Variants in HEPACAM2 observed in about 807,000 individuals in gnomAD.
HEPACAM2 encodes the protein HEPACAM family member 2, also known as mitotic kinetics regulator.
HEPACAM2 carries 49 observed loss-of-function variants against 49.6 expected under a neutral mutation model. The observed-to-expected ratio is 0.99, with a 90% CI of 0.78 to 1.25. The LOEUF (loss-of-function observed/expected upper bound fraction) is 1.25, where lower values mean the gene tolerates loss of function less well. HEPACAM2 is among the 50% of genes most tolerant of loss of function. The pLI, the probability that HEPACAM2 is intolerant of heterozygous loss-of-function variation, is 0.00. For missense variants in HEPACAM2, 525 were observed against 557.2 expected, an observed-to-expected ratio of 0.94 and a Z score of 0.58; for synonymous variants, 197 against 202.9, an observed-to-expected ratio of 0.97 and a Z score of 0.25.
At chr7:93,189,851 G>T (rs1287789273) in intron 9 of HEPACAM2, among the ~76,000 whole-genome samples, 1 of 151,980 alleles carries the variant, frequency 6.6e-6, no homozygotes, top group Admixed American at 6.6e-5. Flanking sequence ...GTTGGGAATA[G>T]ATGGGAGAGA....
At chr7:93,214,436 C>A (rs994485974) in intron 3 of HEPACAM2, among the ~76,000 whole-genome samples, 4 of 152,080 alleles carry the variant, frequency 2.6e-5, no homozygotes, top group Non-Finnish European at 5.9e-5. Context: ...TCTAAATGTT[C>A]TTCTTTCTAT....
At chr7:93,202,072 T>C (rs760808348) in intron 4 of HEPACAM2, among the ~76,000 whole-genome samples, 15 of 97,064 alleles carry the variant, frequency 1.5e-4, no homozygotes, top group Non-Finnish European at 3.4e-4. Context: ...GAAAAACTGG[T>C]AAGAAATAAA....
At position 93,195,891 on chromosome 7, in the gene HEPACAM2, A is replaced by T. The variant is rs1413896890; in HGVS notation, c.1212T>A (p.Asp404Glu). Residue 404 changes from aspartate (D) to glutamate (E), a missense_variant, in exon 8 of 10, where the codon GAT (aspartate) becomes GAA (glutamate). Physicochemically the swap from Asp to Glu is conservative, Grantham distance 45 (BLOSUM62 2). Coordinates refer to ENST00000394468, the MANE Select transcript of HEPACAM2 (RefSeq NM_001039372.4). ...CATATATTCCGAAGTCATCCAGAGC[A>T]TCTTCATGGCCTGAAATGTAAAACA... is the stretch of plus-strand genomic sequence containing the variant. ...RKAQTFSGHEDALDDFGIYEF... is the reference protein window; with the variant it reads ...RKAQTFSGHEEALDDFGIYEF... 6.2e-7 allele frequency: 1 copy of T among 1,612,132 alleles called. No homozygotes were observed. Among genetic ancestry groups the T allele is most frequent in the Non-Finnish European group, 8.5e-7 (1 of 1,178,678 alleles).
rs187521149 is a variant in HEPACAM2, at chr7:93,224,590, G to T, written c.79+1778C>A. On this transcript the variant is annotated intron_variant, in intron 1 of 9. Coordinates refer to ENST00000394468, the MANE Select transcript of HEPACAM2 (RefSeq NM_001039372.4). ...TGTATGACAATAGCACTATAAAAAA[G>T]TATCCAGTGTTAAGGTACACTTGAA... 4.6e-5 allele frequency among the ~76,000 whole-genome samples: 7 copies of T among 152,192 alleles called. No individual in the cohort carries two copies. In the South Asian group the frequency reaches 8.3e-4, roughly 18 times the overall value.
At chr7:93,207,425 G>A (rs1289463150) in intron 4 of HEPACAM2, among the ~76,000 whole-genome samples, 1 of 151,868 alleles carries the variant, frequency 6.6e-6, no homozygotes, top group Non-Finnish European at 1.5e-5. Context: ...AGTCATAGAA[G>A]AGGAAGAAGA....
chr7:93,206,140 A>G (rs1310694975), intron 4 of HEPACAM2, among the ~76,000 whole-genome samples: 1 of 152,078 alleles, frequency 6.6e-6, no homozygotes, highest in Non-Finnish European at 1.5e-5. Context: ...ACTTCTACCC[A>G]TTACAGCCAT....
chr7:93,213,332 C>T (rs1011988094), intron 3 of HEPACAM2, among the ~76,000 whole-genome samples: 1 of 151,956 alleles, frequency 6.6e-6, no homozygotes, highest in Non-Finnish European at 1.5e-5. Context: ...ACATCACAAC[C>T]TCATAAGTAT....
chr7:93,194,920 T>C (rs1412092317), intron 8 of HEPACAM2, among the ~76,000 whole-genome samples: 1 of 140,924 alleles, frequency 7.1e-6, no homozygotes, highest in Non-Finnish European at 1.5e-5. Context: ...CTTTAAAAGA[T>C]CTTTTTTTTT....
At chr7:93,203,777 C>T (rs1020469581) in intron 4 of HEPACAM2, among the ~76,000 whole-genome samples, 2 of 152,134 alleles carry the variant, frequency 1.3e-5, no homozygotes, top group Admixed American at 1.3e-4. Context: ...GTATCCATTT[C>T]TACATCAAAA....
intron 4 of HEPACAM2, among the ~76,000 whole-genome samples, chr7:93,203,987 T>C (rs1278109443): frequency 6.6e-6 from 1 of 152,146 alleles, no homozygotes; most frequent in Non-Finnish European, 1.5e-5. Context: ...GTCAGATTTG[T>C]AGTTCTATCT....
chr7:93,196,572 T>A (rs2116637059), intron 7 of HEPACAM2, among the ~76,000 whole-genome samples: 1 of 152,230 alleles, frequency 6.6e-6, no homozygotes, highest in Non-Finnish European at 1.5e-5. Flanking sequence ...CTATATCATT[T>A]TATTTAATTC....
chr7:93,213,452 C>T (rs1281300296), intron 3 of HEPACAM2, among the ~76,000 whole-genome samples: 6 of 151,900 alleles, frequency 3.9e-5, no homozygotes, highest in Admixed American at 3.9e-4. Flanking sequence ...AAACAGAATA[C>T]TTGATTTTGC....
intron 4 of HEPACAM2, among the ~76,000 whole-genome samples, chr7:93,200,380 A>C (rs1239034035): frequency 1.3e-5 from 2 of 152,148 alleles, no homozygotes; most frequent in Admixed American, 1.3e-4. Context: ...CAAAACAACA[A>C]ATAATGAAAT....
intron 1 of HEPACAM2, among the ~76,000 whole-genome samples, chr7:93,224,247 C>T (rs938780868): frequency 2.8e-4 from 42 of 151,748 alleles, no homozygotes; most frequent in African/African-American, 9.4e-4. Flanking sequence ...GGCAACACAG[C>T]GAGACCTCTG....
chr7:93,190,802 C>G (rs1296259609), intron 9 of HEPACAM2, among the ~76,000 whole-genome samples: 1 of 151,190 alleles, frequency 6.6e-6, no homozygotes, highest in Admixed American at 6.6e-5. Context: ...TTTTGACACG[C>G]AAAACAACCC....
upstream of HEPACAM2, among the ~76,000 whole-genome samples, chr7:93,229,801 G>C (rs899242873): frequency 2.6e-5 from 4 of 152,150 alleles, no homozygotes; most frequent in African/African-American, 9.7e-5. Flanking sequence ...AATTGGAAAG[G>C]AAATAGCAGC....
chr7:93,225,409 T>C (rs1026243234), intron 1 of HEPACAM2, among the ~76,000 whole-genome samples: 2 of 152,098 alleles, frequency 1.3e-5, no homozygotes, highest in African/African-American at 2.4e-5. Context: ...ATGTGTGAGA[T>C]AGGTACAACA....
intron 3 of HEPACAM2, among the ~76,000 whole-genome samples, chr7:93,213,175 C>T (rs1250183001): frequency 6.6e-6 from 1 of 151,842 alleles, no homozygotes; most frequent in Non-Finnish European, 1.5e-5. Context: ...TCCACTGCAG[C>T]ATTGCCATAT....
At chr7:93,193,930 T>G (rs999603784) in intron 8 of HEPACAM2, among the ~76,000 whole-genome samples, 1 of 152,098 alleles carries the variant, frequency 6.6e-6, no homozygotes, top group Non-Finnish European at 1.5e-5. Flanking sequence ...ATCCTCCTCC[T>G]CATGTCCCTG....
Sources: allele counts gnomAD v4.1 joint callset (sites outside exome capture counted in the v4.1 genomes callset), GRCh38; gene constraint gnomAD v4.1.1; transcripts MANE v1.5; gene names NCBI Gene and HGNC (gene_info 2026-07-23, HGNC 2026-07-21).